Variants in UNK observed in about 807,000 individuals in gnomAD.
UNK encodes unk zinc finger.
In UNK, 32 loss-of-function variants were observed where a neutral mutation model predicts 97.6. The observed-to-expected ratio is 0.33, with a 90% CI of 0.25 to 0.44. The LOEUF is 0.44. Ranked by LOEUF, UNK falls within the 20% of genes least tolerant of loss-of-function variation. The probability of loss-of-function intolerance (pLI) is 1.00; values close to 1 mark genes in which losing one functional copy is unlikely to be tolerated. For synonymous variants in UNK, 441 were observed against 461.2 expected, an observed-to-expected ratio of 0.96 and a Z score of 0.56; for missense variants, 771 against 1,098.4, an observed-to-expected ratio of 0.70 and a Z score of 4.21.
chr17:75,823,436 G>A lies in UNK; in HGVS notation c.2191G>A (p.Ala731Thr), dbSNP rs573819589. Residue 731 changes from alanine (A) to threonine (T), a missense_variant, in exon 15 of 16, where the codon GCC becomes ACC. This residue lies in a region of UNK where 208 missense variants were observed against 257.4 expected (regional missense o/e 0.81). Transcript: ENST00000589666. ...GGGGCCTGAGCCCCAGGCCCTGCCC[G>A]CCTTCTCCGACCTGGAGGCGCTCTC... ...HAGPEPQALP[A>T]FSDLEALSLS... 116 of 1,589,936 alleles carry A rather than the reference G, an allele frequency of 7.3e-5. 1 individual carries two copies. In the South Asian group the frequency reaches 1.1e-3, roughly 15 times the overall value.
intron 13 of UNK, among the ~76,000 whole-genome samples, chr17:75,820,845 G>A (rs529349383): frequency 6.6e-6 from 1 of 152,222 alleles, no homozygotes; most frequent in East Asian, 1.9e-4. Flanking sequence ...GAGAGTGCCA[G>A]CATTTTGCTC....
intron 1 of UNK, chr17:75,792,621 C>A: frequency 2.5e-6 from 1 of 401,924 alleles, no homozygotes; most frequent in Non-Finnish European, 3.4e-6. Flanking sequence ...ATAGATTCAC[C>A]CCAGCCAGTC....
In UNK at chr17:75,794,181, A is replaced by G. The variant is rs368921050; in HGVS notation, c.104+9197A>G. On this transcript the variant is annotated intron_variant, in intron 1 of 15. Coordinates refer to ENST00000589666, the MANE Select transcript of UNK (RefSeq NM_001080419.3). ...CAAAAATGTATATTAAATATCCAGT[A>G]GAGCATGCTAAAGTGAACATTTCTG... The G allele has an allele frequency of 2.7e-4, 262 of 969,074 alleles. No individual in the cohort carries two copies. In the African/African-American group the frequency reaches 4.2e-3, roughly 16 times the overall value. 60.0% of individuals were successfully genotyped at this position (969,074 alleles called of 1,614,324 possible).
At chr17:75,795,023 TC>T (rs761696191) in intron 1 of UNK, among the ~76,000 whole-genome samples, 8 of 152,204 alleles carry the variant, frequency 5.3e-5, no homozygotes, top group Non-Finnish European at 1.0e-4. Flanking sequence ...ATCCTTCAGT[TC>T]CTAGGGCACG....
chr17:75,794,765 CT>C (rs2061791306), intron 1 of UNK, among the ~76,000 whole-genome samples: 1 of 152,194 alleles, frequency 6.6e-6, no homozygotes, highest in Admixed American at 6.5e-5. Flanking sequence ...GGGCAAGTGA[CT>C]TACCTCTTTG....
intron 1 of UNK, among the ~76,000 whole-genome samples, chr17:75,806,226 CGGGCGGATCGCAAG>C (rs1490575444): frequency 6.6e-6 from 1 of 151,874 alleles, no homozygotes; most frequent in Non-Finnish European, 1.5e-5. Flanking sequence ...GAGGCCGAGG[CGGGCGGATCGCAAG>C]TTCAGGAGAT....
At position 75,823,432 on chromosome 17, in the gene UNK, G is replaced by T. The variant is rs762162102; in HGVS notation, c.2187G>T (p.Leu729=). The change falls in exon 15 of 16, where the codon CTG becomes CTT. Residue 729 remains leucine (L), a synonymous_variant. Coordinates refer to ENST00000589666, the MANE Select transcript of UNK (RefSeq NM_001080419.3). ...ACGCGGGGCCTGAGCCCCAGGCCCT[G>T]CCCGCCTTCTCCGACCTGGAGGCGC... ...RLHAGPEPQA[L]PAFSDLEALS... 1.3e-6 allele frequency: 2 copies of T among 1,592,410 alleles called. No homozygotes were observed. The highest frequency in any genetic ancestry group is 3.5e-5 in the Admixed American group (2 of 57,096).
rs149428508 is a variant in UNK, at chr17:75,786,954, A to G, written c.104+1970A>G. Among the ~76,000 whole-genome samples the G allele has an allele frequency of 9.6e-4, 147 of 152,336 alleles. 1 individual carries two copies. The highest frequency in any genetic ancestry group is 3.3e-3 in the African/African-American group (139 of 41,582). ...CCTGGCTCTTGAGGTGTCTTAGGAA[A>G]TCAACAGGAGTAGGTGAAATAGCCA... On this transcript the variant is annotated intron_variant, in intron 1 of 15. Coordinates refer to ENST00000589666, the MANE Select transcript of UNK (RefSeq NM_001080419.3).
At chr17:75,808,318 G>A (rs776086210) in intron 1 of UNK, among the ~76,000 whole-genome samples, 6 of 152,172 alleles carry the variant, frequency 3.9e-5, no homozygotes, top group Admixed American at 6.5e-5. Flanking sequence ...AGAGCATCAG[G>A]CCATAGGGAG....
intron 1 of UNK, among the ~76,000 whole-genome samples, chr17:75,796,940 A>G (rs1188165365): frequency 6.6e-6 from 1 of 152,202 alleles, no homozygotes; most frequent in Non-Finnish European, 1.5e-5. Flanking sequence ...TTATGATCTC[A>G]GTGACTACAT....
chr17:75,785,566 G>T (rs2061701864), intron 1 of UNK: 1 of 152,554 alleles, frequency 6.6e-6, no homozygotes, highest in Non-Finnish European at 1.5e-5. Context: ...CTCGCGGGCT[G>T]TGCGGAGCCT....
intron 1 of UNK, among the ~76,000 whole-genome samples, chr17:75,789,400 G>A (rs1341620888): frequency 1.3e-5 from 2 of 151,818 alleles, no homozygotes; most frequent in East Asian, 1.9e-4. Context: ...GCAGTGGCGC[G>A]ATCTCGGCTC....
At chr17:75,814,675 G>A (rs544160635) in intron 6 of UNK, among the ~76,000 whole-genome samples, 1 of 152,308 alleles carries the variant, frequency 6.6e-6, no homozygotes, top group Non-Finnish European at 1.5e-5. Context: ...GGCACCTGCA[G>A]TCCCTGCCCT....
chr17:75,803,514 G>A (rs1036541385), intron 1 of UNK, among the ~76,000 whole-genome samples: 3 of 152,150 alleles, frequency 2.0e-5, no homozygotes, highest in Non-Finnish European at 4.4e-5. Flanking sequence ...TACAGCTGGT[G>A]GTGGTAAAAA....
At chr17:75,790,998 C>A (rs1246468982) in intron 1 of UNK, among the ~76,000 whole-genome samples, 1 of 151,710 alleles carries the variant, frequency 6.6e-6, no homozygotes, top group Non-Finnish European at 1.5e-5. Flanking sequence ...AGTTTCTGAC[C>A]TCATTGTTTT....
chr17:75,819,299 G>T lies in UNK; in HGVS notation c.1547-385G>T, dbSNP rs1407062445. The T allele has an allele frequency of 7.5e-6, 2 of 267,454 alleles. No individual in the cohort carries two copies. The highest frequency in any genetic ancestry group is 1.4e-5 in the Non-Finnish European group (2 of 140,972). The allele number at this position is 267,454 out of a possible 1,614,324, so 16.6% of individuals were successfully genotyped here. A position where few individuals can be genotyped will look rare whatever the true frequency, so the allele number is the denominator to read the frequency against. On this transcript the variant is annotated intron_variant, in intron 11 of 15. Transcript: ENST00000589666. This position sits in a 1 kb window ranked among gnomAD's most constrained non-coding sequence, Gnocchi z 5.4. Reference sequence around the variant, plus strand: ...GAAACTTCCCACCCAGTGGACATTTGTCAAGCACCTGCTATACACCAGCCA... The same window carrying T: ...GAAACTTCCCACCCAGTGGACATTTTTCAAGCACCTGCTATACACCAGCCA...
intron 1 of UNK, among the ~76,000 whole-genome samples, chr17:75,798,547 T>C (rs1481534008): frequency 2.6e-5 from 4 of 151,976 alleles, no homozygotes; most frequent in Non-Finnish European, 5.9e-5. Context: ...GGTTTTGCCA[T>C]GTTGACCAGG....
intron 2 of UNK, among the ~76,000 whole-genome samples, chr17:75,810,550 G>A (rs1043548655): frequency 1.3e-5 from 2 of 152,032 alleles, no homozygotes; most frequent in South Asian, 4.1e-4. Context: ...CCTTCCCTTC[G>A]TCAGCCCTCT....
intron 1 of UNK, among the ~76,000 whole-genome samples, chr17:75,789,066 C>G (rs984753275): frequency 7.9e-5 from 12 of 152,128 alleles, no homozygotes; most frequent in African/African-American, 2.9e-4. Flanking sequence ...TTTCCTAAAC[C>G]AAGAGGATTA....
Sources: gnomAD v4.1 joint callset for allele counts (sites outside exome capture counted in the v4.1 genomes callset) on GRCh38, gnomAD v4.1.1 for gene constraint, gnomAD v4.1.1 regional missense constraint, Gnocchi (gnomAD v3.1) non-coding constraint, MANE v1.5 for transcripts, NCBI Gene and HGNC (gene_info 2026-07-23, HGNC 2026-07-21) for gene names.